The following COPB2 variants were observed in gnomAD, a reference collection of about 807,000 sequenced individuals.
The protein encoded by COPB2 is coat protein complex I subunit beta 2, also known as coatomer subunit beta'.
In COPB2, 16 loss-of-function variants were observed where a neutral mutation model predicts 120.8. The ratio of observed to expected loss-of-function variants is 0.13; its 90% CI spans 0.09 to 0.20. COPB2 has a LOEUF of 0.20. Among genes scored for constraint, COPB2 ranks in the 10% least tolerant of loss-of-function variants. The pLI is 1.00. For synonymous variants in COPB2, 332 were observed against 366.3 expected (o/e 0.91, Z 1.07); for missense variants, 794 against 1,076.5 (o/e 0.74, Z 3.67).
Position 139,359,034 on chromosome 3 carries a change from A to G in COPB2, c.2448T>C (p.Ala816=). Residue 816 remains alanine, a synonymous_variant, in exon 19 of 22, where the codon GCT becomes GCC. Coordinates refer to ENST00000333188, the MANE Select transcript of COPB2 (RefSeq NM_004766.3). The stretch of plus-strand genomic sequence containing the variant: ...GGTATTGTTTGGCTGGCCACAGATC[A>G]GCATGTGTTTCCTTCACCCATTCTT... ...VVEEWVKETH[A]DLWPAKQYPL... 1 of 1,613,888 alleles carries G rather than the reference A, an allele frequency of 6.2e-7. No individual in the cohort carries two copies. The highest frequency in any genetic ancestry group is 8.5e-7 in the Non-Finnish European group (1 of 1,179,942).
At chr3:139,371,463 A>G (rs1941621463) in intron 10 of COPB2, among the ~76,000 whole-genome samples, 1 of 152,118 alleles carries the variant, frequency 6.6e-6, no homozygotes, top group Non-Finnish European at 1.5e-5. Flanking sequence ...GGCTCCATCA[A>G]AGAAATGGGT....
rs527242580 is a variant in COPB2, at chr3:139,384,173, G to A, written c.4-738C>T. Among the ~76,000 whole-genome samples, 6 of 152,228 alleles carry A rather than the reference G, an allele frequency of 3.9e-5. No homozygotes were observed. In the South Asian group the frequency reaches 1.0e-3, roughly 26 times the overall value. On this transcript the variant is annotated intron_variant, in intron 1 of 21. Transcript: ENST00000333188. ...CGTATCAATAAGCTGTTTATACTTCGTTACATTAAAATCCATTGGTTAAGT... is the reference window on the plus strand; with the variant it reads ...CGTATCAATAAGCTGTTTATACTTCATTACATTAAAATCCATTGGTTAAGT...
intron 10 of COPB2, among the ~76,000 whole-genome samples, 162 bp downstream of exon 10, chr3:139,371,561 C>G (rs1247898245): frequency 2.0e-5 from 3 of 152,214 alleles, no homozygotes; most frequent in Non-Finnish European, 4.4e-5. Flanking sequence ...ACGGCTCATG[C>G]TATACACTCG....
chr3:139,368,982 C>T (rs1351750899), intron 12 of COPB2, among the ~76,000 whole-genome samples: 6 of 152,198 alleles, frequency 3.9e-5, no homozygotes, highest in Non-Finnish European at 8.8e-5. Flanking sequence ...TCTCTGACTT[C>T]TTGTTCTCAA....
intron 1 of COPB2, 91 bp downstream of exon 1, chr3:139,389,457 A>C (rs1184157359): frequency 7.0e-7 from 1 of 1,433,126 alleles, no homozygotes; most frequent in African/African-American, 1.5e-5. Flanking sequence ...GGGAGCCCAG[A>C]CCACTGCTTA....
chr3:139,366,271 G>A (rs769147684), intron 15 of COPB2, among the ~76,000 whole-genome samples: 12 of 151,918 alleles, frequency 7.9e-5, no homozygotes, highest in Non-Finnish European at 1.6e-4. Context: ...AAAGCAGATG[G>A]GATAAAGCTA....
intron 10 of COPB2, among the ~76,000 whole-genome samples, chr3:139,370,879 G>A (rs1941612211): frequency 6.6e-6 from 1 of 152,206 alleles, no homozygotes; most frequent in Admixed American, 6.5e-5. Context: ...ATGTATATGT[G>A]TATTTAGGAA....
At chr3:139,374,222 CT>C (rs34965405) in intron 7 of COPB2, 2 of 460,648 alleles carry the variant, frequency 4.3e-6, no homozygotes, top group Non-Finnish European at 7.8e-6. Context: ...AAAGCACATG[CT>C]TTTTCAGTTT....
At chr3:139,360,108 C>T (rs1006437584) in intron 17 of COPB2, among the ~76,000 whole-genome samples, 1 of 151,292 alleles carries the variant, frequency 6.6e-6, no homozygotes, top group Non-Finnish European at 1.5e-5. Context: ...AGGGTCTATT[C>T]TTACAGGTAT....
intron 13 of COPB2, 147 bp from the exon 14 acceptor site, chr3:139,367,292 A>AT: frequency 1.0e-6 from 1 of 972,786 alleles, no homozygotes; most frequent in Non-Finnish European, 1.4e-6. Context: ...TTTTCCTTGG[A>AT]ATTTTTTTTT....
chr3:139,366,824 C>T (rs1393343370), intron 14 of COPB2, 49 bp from the exon 15 acceptor site: 20 of 1,574,910 alleles, frequency 1.3e-5, no homozygotes, highest in Non-Finnish European at 1.7e-5. Flanking sequence ...TGCAATTACA[C>T]AAACACACAC....
In COPB2 at chr3:139,375,618, CAG is replaced by C. The variant is rs751595776; in HGVS notation, c.505-6_505-5del. 2.5e-6 allele frequency: 4 copies of C among 1,613,244 alleles called. No individual in the cohort carries two copies. The highest frequency in any genetic ancestry group is 3.4e-6 in the Non-Finnish European group (4 of 1,179,532). On this transcript the variant is annotated splice_polypyrimidine_tract_variant and splice_region_variant and intron_variant, in intron 5 of 21. Coordinates refer to ENST00000333188, the MANE Select transcript of COPB2 (RefSeq NM_004766.3). ...ACGAAGAGCCCAACTGCCACACCTG[CAG>C]AGAGAAACAGCATCGGCCAGTCAAT...
intron 13 of COPB2, 31 bp downstream of exon 13, chr3:139,368,114 C>A: frequency 6.3e-7 from 1 of 1,594,640 alleles, no homozygotes; most frequent in Non-Finnish European, 8.5e-7. Context: ...AAAAACAAAG[C>A]TGAAAGCGAA....
chr3:139,363,779 T>C (rs548287240), intron 15 of COPB2, among the ~76,000 whole-genome samples: 13 of 152,320 alleles, frequency 8.5e-5, no homozygotes, highest in Non-Finnish European at 1.3e-4. Flanking sequence ...AAGTTTGAAA[T>C]GTTTTAACTT....
At chr3:139,371,547 T>A (rs7375091) in intron 10 of COPB2, among the ~76,000 whole-genome samples, 176 bp downstream of exon 10, 69,638 of 152,152 alleles carry the variant, frequency 0.46, 19,141 homozygotes, top group Middle Eastern at 0.62. Context: ...AAGAAAGCAC[T>A]AAGACGGCTC....
At chr3:139,368,590 T>C (rs1173688354) in intron 12 of COPB2, among the ~76,000 whole-genome samples, 1 of 152,132 alleles carries the variant, frequency 6.6e-6, no homozygotes, top group Non-Finnish European at 1.5e-5. Flanking sequence ...ATCACCTTTT[T>C]TATTTTTTTC....
At chr3:139,367,888 T>C (rs1327345124) in intron 13 of COPB2, among the ~76,000 whole-genome samples, 1 of 152,222 alleles carries the variant, frequency 6.6e-6, no homozygotes. Context: ...AAAACAACTA[T>C]AATTTCTTTA....
At chr3:139,360,785 CATAAA>C (rs1403138674) in intron 17 of COPB2, among the ~76,000 whole-genome samples, 1 of 152,128 alleles carries the variant, frequency 6.6e-6, no homozygotes, top group East Asian at 1.9e-4. Context: ...CTCCTGCAAT[CATAAA>C]ATAAAATGCT....
At chr3:139,370,411 A>G (rs897052197) in intron 10 of COPB2, among the ~76,000 whole-genome samples, 7 of 152,222 alleles carry the variant, frequency 4.6e-5, no homozygotes, top group Non-Finnish European at 8.8e-5. Flanking sequence ...AAAACTTATG[A>G]GTTGTTTATT....
Sources: allele counts gnomAD v4.1 joint callset (sites outside exome capture counted in the v4.1 genomes callset), GRCh38; gene constraint gnomAD v4.1.1; transcripts MANE v1.5; gene names NCBI Gene and HGNC (gene_info 2026-07-23, HGNC 2026-07-21).